The following CADM4 variants were observed in gnomAD, a reference collection of about 807,000 sequenced individuals.
CADM4 encodes the protein TSLC1-like 2.
A neutral mutation model predicts 43.9 loss-of-function variants in CADM4; 13 were observed. The observed-to-expected ratio is 0.30, with a 90% CI of 0.19 to 0.47. CADM4 has a LOEUF of 0.47. CADM4 is among the 20% of genes least tolerant of loss of function. The pLI, the probability that CADM4 is intolerant of heterozygous loss-of-function variation, is 1.00. For synonymous variants in CADM4, 209 were observed against 220.9 expected (o/e 0.95, Z 0.48); for missense variants, 420 against 527.0 (o/e 0.80, Z 1.99).
intron 1 of CADM4, among the ~76,000 whole-genome samples, chr19:43,636,330 G>C (rs977601976): frequency 2.6e-5 from 4 of 152,076 alleles, no homozygotes; most frequent in Admixed American, 6.5e-5. Context: ...CCCTGGGTGT[G>C]GGGTACGAGA....
At position 43,639,755 on chromosome 19, in the gene CADM4, C is replaced by T; in HGVS notation, c.36G>A (p.Leu12=). 2 of 1,026,880 alleles carry T rather than the reference C, an allele frequency of 1.9e-6. No homozygotes were observed. The highest frequency in any genetic ancestry group is 2.3e-6 in the Non-Finnish European group (2 of 854,608). The allele number at this position is 1,026,880 out of a possible 1,614,324, so 63.6% of individuals were successfully genotyped here. A position where few individuals can be genotyped will look rare whatever the true frequency, so the allele number is the denominator to read the frequency against. ...GCCCCGCCGCGGCCGCCCACAGCAG[C>T]AGCAGCGGCCACTGGAAGCGCCGGG... ...GRARRFQWPL[L]LLWAAAAGPG... is the part of the protein sequence containing the mutation. Residue 12 remains leucine (L), a synonymous_variant, in exon 1 of 9, where the codon CTG becomes CTA. Coordinates refer to ENST00000222374, the MANE Select transcript of CADM4 (RefSeq NM_145296.2).
chr19:43,630,712 T>C (rs1973610173), intron 1 of CADM4, among the ~76,000 whole-genome samples: 1 of 152,144 alleles, frequency 6.6e-6, no homozygotes, highest in Admixed American at 6.5e-5. Context: ...AATCTGTATA[T>C]CCACTCCTGG....
At chr19:43,640,309 G>A (rs562009213), upstream of CADM4, among the ~76,000 whole-genome samples, 4 of 151,916 alleles carry the variant, frequency 2.6e-5, no homozygotes, top group East Asian at 2.0e-4. Context: ...AAGGGAGGGA[G>A]TGCGACGTGG....
Position 43,625,627 on chromosome 19 carries a change from CCT to C in CADM4, c.755+282_755+283del. On this transcript the variant is annotated intron_variant, in intron 6 of 8. Transcript: ENST00000222374. This position sits in a 1 kb window ranked among gnomAD's most constrained non-coding sequence, Gnocchi z 4.5. Reference sequence around the variant, plus strand: ...TTCTAGCCCTCCCACGCCATTCCATCCTCAGCAACCAGGAGTCTGAGGCTGCA... The same window carrying C: ...TTCTAGCCCTCCCACGCCATTCCATCCAGCAACCAGGAGTCTGAGGCTGCA... Among the ~76,000 whole-genome samples the C allele has an allele frequency of 6.6e-6, 1 of 152,122 alleles. No individual in the cohort carries two copies. The highest frequency in any genetic ancestry group is 1.5e-5 in the Non-Finnish European group (1 of 68,034).
chr19:43,622,804 G>C lies in CADM4; in HGVS notation c.*526C>G, dbSNP rs1275280552. 1 of 153,436 alleles carries C rather than the reference G, an allele frequency of 6.5e-6. No individual in the cohort carries two copies. The highest frequency in any genetic ancestry group is 1.5e-5 in the Non-Finnish European group (1 of 68,808). The allele number at this position is 153,436 out of a possible 1,614,324, so 9.5% of individuals were successfully genotyped here. ...CCCTCACTGCCCCCATCAAAGTTAT[G>C]ACACAAAGACACAGAATCCCTATTT... is the stretch of plus-strand genomic sequence containing the variant. On this transcript the variant is annotated 3_prime_UTR_variant, in exon 9 of 9. Transcript: ENST00000222374.
chr19:43,623,385 T>C lies in CADM4; in HGVS notation c.1112A>G (p.Glu371Gly). ...SGLDEQGEAR[E>G]AFLNGSDGHK... ...TCCGTCGCTGCCATTGAGGAAGGCT[T>C]CTCTTGCTTCTCCCTGTTCATCCAA... is the stretch of plus-strand genomic sequence containing the variant. The change falls in exon 9 of 9, where the codon GAA becomes GGA. Residue 371 changes from glutamate to glycine, a missense_variant. Physicochemically the swap from Glu to Gly is moderately conservative, Grantham distance 98. Transcript: ENST00000222374. The surrounding 1 kb of genome is among the most constrained non-coding windows in gnomAD (Gnocchi z 4.4). 1 of 1,614,136 alleles carries C rather than the reference T, an allele frequency of 6.2e-7. No homozygotes were observed. The highest frequency in any genetic ancestry group is 8.5e-7 in the Non-Finnish European group (1 of 1,179,998).
At chr19:43,628,701 A>C (rs1251828739) in intron 1 of CADM4, among the ~76,000 whole-genome samples, 1 of 152,214 alleles carries the variant, frequency 6.6e-6, no homozygotes, top group Non-Finnish European at 1.5e-5. Flanking sequence ...AGTGATATTG[A>C]GCCTAGGCCT....
chr19:43,624,041 C>T lies in CADM4; in HGVS notation c.1057+73G>A. On this transcript the variant is annotated intron_variant, in intron 8 of 8. Coordinates refer to ENST00000222374, the MANE Select transcript of CADM4 (RefSeq NM_145296.2). ...GCCTAGGCTCCGCCCTCTCGTTACC[C>T]TGGCTCTAGGCCCCGCCTCTTTCCG... is the stretch of plus-strand genomic sequence containing the variant. 2.5e-6 allele frequency: 4 copies of T among 1,574,784 alleles called. No homozygotes were observed. In the Admixed American group the frequency reaches 7.0e-5, roughly 28 times the overall value.
At chr19:43,640,848 C>G (rs959512049), upstream of CADM4, among the ~76,000 whole-genome samples, 3 of 152,164 alleles carry the variant, frequency 2.0e-5, no homozygotes, top group Non-Finnish European at 4.4e-5. Context: ...GATGCGGGAT[C>G]ATTACCTATG....
At chr19:43,639,083 T>G in intron 1 of CADM4, among the ~76,000 whole-genome samples, 1 of 145,384 alleles carries the variant, frequency 6.9e-6, no homozygotes, top group South Asian at 2.2e-4. Flanking sequence ...ATGGGGCAGA[T>G]AGGGGACAGA....
chr19:43,624,007 G>A lies in CADM4; in HGVS notation c.1057+107C>T, dbSNP rs1364477227. 1.4e-5 allele frequency: 20 copies of A among 1,417,064 alleles called. No individual in the cohort carries two copies. In the South Asian group the frequency reaches 2.0e-4, roughly 14 times the overall value. The allele number at this position is 1,417,064 out of a possible 1,614,324, so 87.8% of individuals were successfully genotyped here. On this transcript the variant is annotated intron_variant, in intron 8 of 8. Transcript: ENST00000222374. ...TCCGCCCCCGGTGCGGCGGGATTTG[G>A]AATCCAGAGCCTAGGCTCCGCCCTC...
chr19:43,628,964 A>G (rs1397750578), intron 1 of CADM4, among the ~76,000 whole-genome samples: 1 of 152,198 alleles, frequency 6.6e-6, no homozygotes, highest in East Asian at 1.9e-4. Flanking sequence ...AAACTGCTGA[A>G]CCCCAGAATC....
intron 1 of CADM4, among the ~76,000 whole-genome samples, chr19:43,628,282 A>G (rs1973563108): frequency 6.6e-6 from 1 of 151,640 alleles, no homozygotes; most frequent in Non-Finnish European, 1.5e-5. Flanking sequence ...AAAAAAAAAA[A>G]AAATTAGCTG....
Position 43,625,033 on chromosome 19 carries a change from C to CAGG in CADM4, c.928+44_928+45insCCT. The CAGG allele has an allele frequency of 3.6e-6, 5 of 1,400,784 alleles. No individual in the cohort carries two copies. Among genetic ancestry groups the CAGG allele is most frequent in the Non-Finnish European group, 3.8e-6 (4 of 1,050,764 alleles). The allele number at this position is 1,400,784 out of a possible 1,614,324, so 86.8% of individuals were successfully genotyped here. A position where few individuals can be genotyped will look rare whatever the true frequency, so the allele number is the denominator to read the frequency against. On this transcript the variant is annotated intron_variant, in intron 7 of 8. Transcript: ENST00000222374. This position sits in a 1 kb window ranked among gnomAD's most constrained non-coding sequence, Gnocchi z 4.5. Reference sequence around the variant, plus strand: ...TTTGCTCAAGCCCCGCCCCCGCCACCTGGCGCCCCGCCCCCGCCCTCAGTC... The same window carrying CAGG: ...TTTGCTCAAGCCCCGCCCCCGCCACCAGGTGGCGCCCCGCCCCCGCCCTCAGTC...
chr19:43,634,387 C>T (rs1310823223), intron 1 of CADM4, among the ~76,000 whole-genome samples: 1 of 152,156 alleles, frequency 6.6e-6, no homozygotes, highest in Non-Finnish European at 1.5e-5. Flanking sequence ...CTTAGCGGGT[C>T]CCAGGCAAGT....
chr19:43,623,267 T>G lies in CADM4; in HGVS notation c.*63A>C. On this transcript the variant is annotated 3_prime_UTR_variant, in exon 9 of 9. Coordinates refer to ENST00000222374, the MANE Select transcript of CADM4 (RefSeq NM_145296.2). This position sits in a 1 kb window ranked among gnomAD's most constrained non-coding sequence, Gnocchi z 4.4. Reference sequence around the variant, plus strand: ...CTGGTAAATGTCTTTGCTGGTTCCTTGCAGCTGGCAGTGGGGGGGACCCCA... The same window carrying G: ...CTGGTAAATGTCTTTGCTGGTTCCTGGCAGCTGGCAGTGGGGGGGACCCCA... 8.4e-7 allele frequency: 1 copy of G among 1,188,188 alleles called. No homozygotes were observed. The allele number at this position is 1,188,188 out of a possible 1,614,324, so 73.6% of individuals were successfully genotyped here.
intron 1 of CADM4, among the ~76,000 whole-genome samples, chr19:43,639,376 CG>C (rs891850035): frequency 7.4e-6 from 1 of 134,526 alleles, no homozygotes; most frequent in Non-Finnish European, 1.6e-5. Flanking sequence ...AGGAGCCAGA[CG>C]GGGGGGTTCA....
In CADM4 at chr19:43,626,215, C is replaced by T. The variant is rs553803473; in HGVS notation, c.573G>A (p.Lys191=). 1.2e-6 allele frequency: 2 copies of T among 1,613,856 alleles called. No homozygotes were observed. Among genetic ancestry groups the T allele is most frequent in the East Asian group, 2.2e-5 (1 of 44,882 alleles). The change falls in exon 5 of 9, where the codon AAG becomes AAA. Residue 191 remains lysine (K), a synonymous_variant. Coordinates refer to ENST00000222374, the MANE Select transcript of CADM4 (RefSeq NM_145296.2). This position sits in a 1 kb window ranked among gnomAD's most constrained non-coding sequence, Gnocchi z 5.9. ...CACAGATGATGATACCACCGTCGTCCTTACGGTCCACACGAAACCGTACTG... is the reference window on the plus strand; with the variant it reads ...CACAGATGATGATACCACCGTCGTCTTTACGGTCCACACGAAACCGTACTG... The part of the protein sequence containing the change: ...ASTVRFRVDR[K]DDGGIIICEA...
At position 43,626,976 on chromosome 19, in the gene CADM4, C is replaced by A; in HGVS notation, c.365-58G>T. On this transcript the variant is annotated intron_variant, in intron 3 of 8. Transcript: ENST00000222374. The surrounding 1 kb of genome is among the most constrained non-coding windows in gnomAD (Gnocchi z 5.9). ...AGAAGGCACGAACGTGGGCTCAAAGCGATCGAGCTGCCTGTTCCCAGCGAC... is the reference window on the plus strand; with the variant it reads ...AGAAGGCACGAACGTGGGCTCAAAGAGATCGAGCTGCCTGTTCCCAGCGAC... 12 of 1,513,644 alleles carry A rather than the reference C, an allele frequency of 7.9e-6. No individual in the cohort carries two copies. The highest frequency in any genetic ancestry group is 1.4e-5 in the African/African-American group (1 of 72,040). The allele number at this position is 1,513,644 out of a possible 1,614,324, so 93.8% of individuals were successfully genotyped here. A position where few individuals can be genotyped will look rare whatever the true frequency, so the allele number is the denominator to read the frequency against.
Sources: gnomAD v4.1 joint callset for allele counts (sites outside exome capture counted in the v4.1 genomes callset) on GRCh38, gnomAD v4.1.1 for gene constraint, Gnocchi (gnomAD v3.1) non-coding constraint, MANE v1.5 for transcripts, NCBI Gene and HGNC (gene_info 2026-07-23, HGNC 2026-07-21) for gene names.